SMPD3: variants seen among roughly 807,000 people sequenced by gnomAD.
SMPD3 encodes nSMase-2.
Under a neutral mutation model 55.7 loss-of-function variants are expected in SMPD3, and 21 were observed. The ratio of observed to expected loss-of-function variants is 0.38; its 90% CI spans 0.27 to 0.54. The LOEUF is 0.54. Ranked by LOEUF, SMPD3 falls within the 20% of genes least tolerant of loss-of-function variation. The probability of loss-of-function intolerance (pLI) is 0.80; values close to 1 mark genes in which losing one functional copy is unlikely to be tolerated. For synonymous variants in SMPD3, 457 were observed against 404.3 expected (o/e 1.13, Z -1.56); for missense variants, 842 against 899.6 (o/e 0.94, Z 0.82).
At chr16:68,435,368 C>T (rs1220696140) in intron 1 of SMPD3, among the ~76,000 whole-genome samples, 1 of 152,158 alleles carries the variant, frequency 6.6e-6, no homozygotes, top group Admixed American at 6.5e-5. Flanking sequence ...TTTTTCAGTG[C>T]CTCCATTTGT....
Position 68,371,665 on chromosome 16 carries a change from A to G in SMPD3, c.517T>C (p.Ser173Pro). Reference sequence around the variant, plus strand: ...GCGCTGATGGAGGTATTGGTGGGGGAGTCGATGTAAATTTTGATCTGGGGC... The same window carrying G: ...GCGCTGATGGAGGTATTGGTGGGGGGGTCGATGTAAATTTTGATCTGGGGC... ...ARPQIKIYID[S>P]PTNTSISAAS... The change falls in exon 3 of 9, where the codon TCC (serine) becomes CCC (proline). Residue 173 changes from serine to proline, a missense_variant. Ser to Pro is a moderately conservative substitution (Grantham distance 74, BLOSUM62 -1). Transcript: ENST00000219334. The G allele has an allele frequency of 6.4e-7, 1 of 1,565,992 alleles. No homozygotes were observed. Among genetic ancestry groups the G allele is most frequent in the Non-Finnish European group, 8.6e-7 (1 of 1,156,588 alleles).
intron 1 of SMPD3, among the ~76,000 whole-genome samples, chr16:68,414,313 A>G (rs1214032268): frequency 6.6e-6 from 1 of 152,240 alleles, no homozygotes; most frequent in East Asian, 1.9e-4. Context: ...CTCTTTATTA[A>G]TTCAGAACTT....
At chr16:68,407,208 G>GC (rs979329320) in intron 1 of SMPD3, among the ~76,000 whole-genome samples, 1 of 152,154 alleles carries the variant, frequency 6.6e-6, no homozygotes, top group African/African-American at 2.4e-5. Context: ...TTATACATAG[G>GC]TTGCTAAGGG....
chr16:68,442,379 T>G (rs931272439), intron 1 of SMPD3, among the ~76,000 whole-genome samples: 5 of 152,362 alleles, frequency 3.3e-5, no homozygotes, highest in East Asian at 1.9e-4. Flanking sequence ...TCAGGGTTTC[T>G]GTGTCTGTTT....
intron 3 of SMPD3, among the ~76,000 whole-genome samples, chr16:68,365,462 C>T (rs768893060): frequency 6.6e-6 from 1 of 152,134 alleles, no homozygotes; most frequent in Non-Finnish European, 1.5e-5. Context: ...CTCTTTCCTC[C>T]CTCCCTCAGT....
chr16:68,438,922 G>A (rs147217121), intron 1 of SMPD3, among the ~76,000 whole-genome samples: 76 of 152,232 alleles, frequency 5.0e-4, no homozygotes, highest in Admixed American at 1.8e-3. Context: ...TACTGTCTGC[G>A]TGACCTTAAG....
chr16:68,361,206 C>G lies in SMPD3; in HGVS notation c.1968G>C (p.Ter656TyrextTer99), dbSNP rs2151968254. 6.2e-7 allele frequency: 1 copy of G among 1,613,202 alleles called. No homozygotes were observed. The highest frequency in any genetic ancestry group is 1.3e-5 in the African/African-American group (1 of 75,004). The change falls in exon 9 of 9, where the codon TAG (stop) becomes TAC (tyrosine). Residue 656 changes from the stop codon to tyrosine (Y), a stop_lost. Transcript: ENST00000219334. ...LMVSSGEEEA[*>Y] ...CAGAGGCCCCGCTGCTCCGGACGGT[C>G]TATGCCTCCTCCTCCCCCGAAGACA... is the stretch of plus-strand genomic sequence containing the variant.
chr16:68,372,270 G>A lies in SMPD3; in HGVS notation c.-89C>T. On this transcript the variant is annotated 5_prime_UTR_variant, in exon 3 of 9. Transcript: ENST00000219334. ...TCCTGGGCGAGGGTGGGCGAGTTGG[G>A]GGCAGCTGGAGGAGGGGTCACCTCC... 6.5e-7 allele frequency: 1 copy of A among 1,532,036 alleles called. No individual in the cohort carries two copies. Among genetic ancestry groups the A allele is most frequent in the Admixed American group, 2.0e-5 (1 of 50,496 alleles). The allele number at this position is 1,532,036 out of a possible 1,614,324, so 94.9% of individuals were successfully genotyped here. A position where few individuals can be genotyped will look rare whatever the true frequency, so the allele number is the denominator to read the frequency against.
At chr16:68,441,085 C>G (rs572213297) in intron 1 of SMPD3, among the ~76,000 whole-genome samples, 25 of 152,288 alleles carry the variant, frequency 1.6e-4, no homozygotes, top group Admixed American at 3.3e-4. Context: ...GCTTGCTCTC[C>G]TTCCTGTTGC....
chr16:68,372,831 A>G (rs1477792603), intron 2 of SMPD3, among the ~76,000 whole-genome samples: 1 of 152,188 alleles, frequency 6.6e-6, no homozygotes, highest in Admixed American at 6.5e-5. Context: ...AGGAGCCACA[A>G]ACATGGCCAC....
chr16:68,364,085 G>T (rs550906444), intron 5 of SMPD3, among the ~76,000 whole-genome samples: 1 of 152,202 alleles, frequency 6.6e-6, no homozygotes, highest in East Asian at 1.9e-4. Context: ...CACACGCCCT[G>T]ATCTTCAGCA....
intron 1 of SMPD3, among the ~76,000 whole-genome samples, chr16:68,395,981 T>C (rs1318291655): frequency 3.3e-5 from 5 of 152,218 alleles, no homozygotes; most frequent in African/African-American, 1.2e-4. Context: ...TCAGTGTGCC[T>C]GGCCTGGGCG....
chr16:68,424,513 A>G (rs957107332), intron 1 of SMPD3, among the ~76,000 whole-genome samples: 2 of 152,094 alleles, frequency 1.3e-5, no homozygotes, highest in African/African-American at 4.8e-5. Context: ...AAGTAATTTT[A>G]CTTATGAACC....
intron 7 of SMPD3, among the ~76,000 whole-genome samples, chr16:68,362,210 G>T (rs1364772572): frequency 1.3e-5 from 2 of 152,198 alleles, no homozygotes; most frequent in Non-Finnish European, 2.9e-5. Context: ...AAATGGGGCT[G>T]TCCCTACGTG....
intron 7 of SMPD3, 88 bp downstream of exon 7, chr16:68,363,408 T>A: frequency 1.4e-6 from 2 of 1,451,944 alleles, no homozygotes; most frequent in South Asian, 1.1e-5. Context: ...GAGCCCGAGC[T>A]GAGCTCTCCC....
chr16:68,425,420 A>G (rs1484207964), intron 1 of SMPD3, among the ~76,000 whole-genome samples: 1 of 152,112 alleles, frequency 6.6e-6, no homozygotes, highest in Non-Finnish European at 1.5e-5. Context: ...GTTTCACATG[A>G]ATAATCAGTA....
chr16:68,417,608 A>G (rs1222954177), intron 1 of SMPD3, among the ~76,000 whole-genome samples: 2 of 152,238 alleles, frequency 1.3e-5, no homozygotes. Context: ...ACAAACACAA[A>G]CAACTGGGGA....
intron 2 of SMPD3, among the ~76,000 whole-genome samples, chr16:68,383,878 A>G (rs926556474): frequency 2.0e-5 from 3 of 151,892 alleles, no homozygotes; most frequent in African/African-American, 4.8e-5. Context: ...CCAGCTCACA[A>G]TTCTGCCCCC....
At chr16:68,398,323 C>T (rs571253438) in intron 1 of SMPD3, among the ~76,000 whole-genome samples, 164 of 152,284 alleles carry the variant, frequency 1.1e-3, no homozygotes, top group African/African-American at 3.7e-3. Flanking sequence ...CTTACTTTTT[C>T]CTTTTTCACT....
Sources: gnomAD v4.1 joint callset for allele counts (sites outside exome capture counted in the v4.1 genomes callset) on GRCh38, gnomAD v4.1.1 for gene constraint, MANE v1.5 for transcripts, NCBI Gene and HGNC (gene_info 2026-07-23, HGNC 2026-07-21) for gene names.